KCNJ3: variants seen among roughly 807,000 people sequenced by gnomAD.
KCNJ3 encodes the protein G protein-activated inward rectifier potassium channel 1.
Under a neutral mutation model 39.2 loss-of-function variants are expected in KCNJ3, and 4 were observed. That is an observed-to-expected ratio of 0.10 (90% CI 0.05 to 0.23). The LOEUF (loss-of-function observed/expected upper bound fraction) is 0.23, where lower values mean the gene tolerates loss of function less well. Among genes scored for constraint, KCNJ3 ranks in the 10% least tolerant of loss-of-function variants. KCNJ3 has a pLI of 1.00. For missense variants in KCNJ3, 276 were observed against 634.9 expected (o/e 0.43, Z 6.08); for synonymous variants, 230 against 237.4 (o/e 0.97, Z 0.29).
intron 2 of KCNJ3, among the ~76,000 whole-genome samples, chr2:154,756,594 C>T (rs1305930647): frequency 1.3e-5 from 2 of 150,560 alleles, no homozygotes; most frequent in African/African-American, 2.4e-5. Flanking sequence ...TTGTTCAACT[C>T]CCACTTATTA....
At chr2:154,806,810 T>A (rs776702836) in intron 2 of KCNJ3, among the ~76,000 whole-genome samples, 4 of 152,144 alleles carry the variant, frequency 2.6e-5, no homozygotes, top group Non-Finnish European at 5.9e-5. Context: ...ATCCTATAAA[T>A]TTTAAAATAT....
chr2:154,767,742 G>C (rs1054105694), intron 2 of KCNJ3, among the ~76,000 whole-genome samples: 8 of 152,166 alleles, frequency 5.3e-5, no homozygotes, highest in African/African-American at 9.7e-5. Flanking sequence ...TCTAGTTCTA[G>C]ATCCTTGAGG....
intron 2 of KCNJ3, among the ~76,000 whole-genome samples, chr2:154,819,671 C>A (rs1687137850): frequency 6.6e-6 from 1 of 151,872 alleles, no homozygotes. Flanking sequence ...GCTGGGACTA[C>A]AGGTGTGCAC....
At chr2:154,760,384 C>T (rs1053185208) in intron 2 of KCNJ3, among the ~76,000 whole-genome samples, 1 of 152,000 alleles carries the variant, frequency 6.6e-6, no homozygotes, top group Non-Finnish European at 1.5e-5. Flanking sequence ...AAGTTTTGGG[C>T]TTTAAATATT....
rs71422263 is a variant in KCNJ3 at position 154,821,635 on chromosome 2, A to ATTTTTTTTTTTT, written c.920-33079_920-33068dup. Among the ~76,000 whole-genome samples, 52 of 88,078 alleles carry ATTTTTTTTTTTT rather than the reference A, an allele frequency of 5.9e-4. 2 individuals are homozygous for ATTTTTTTTTTTT. The highest frequency in any genetic ancestry group is 8.1e-4 in the Non-Finnish European group (39 of 48,162). The allele number at this position is 88,078 out of a possible 152,430, so 57.8% of individuals were successfully genotyped here. On this transcript the variant is annotated intron_variant, in intron 2 of 2. Coordinates refer to ENST00000295101, the MANE Select transcript of KCNJ3 (RefSeq NM_002239.4). ...CAAAAAAAGAAAAAGAGAATATGTG[A>ATTTTTTTTTTTT]TTTTTTTTTTTTTTTTTTTTTTTTG...
intron 2 of KCNJ3, among the ~76,000 whole-genome samples, chr2:154,725,744 T>C (rs927276924): frequency 1.3e-5 from 2 of 152,094 alleles, no homozygotes; most frequent in African/African-American, 4.8e-5. Flanking sequence ...CTGGTATTGG[T>C]ATAAAAATAG....
At chr2:154,842,989 ACTG>A (rs1687601926) in intron 2 of KCNJ3, among the ~76,000 whole-genome samples, 1 of 152,150 alleles carries the variant, frequency 6.6e-6, no homozygotes, top group Non-Finnish European at 1.5e-5. Flanking sequence ...TATAATGTTC[ACTG>A]CTTATTTTGC....
intron 2 of KCNJ3, among the ~76,000 whole-genome samples, chr2:154,726,954 G>A (rs1270782036): frequency 6.6e-6 from 1 of 151,974 alleles, no homozygotes; most frequent in African/African-American, 2.4e-5. Flanking sequence ...TACTTATTGG[G>A]AGCTAAGCTA....
At position 154,857,282 on chromosome 2, in the gene KCNJ3, A is replaced by G. The variant is rs1160267115; in HGVS notation, c.*1969A>G. 6.6e-6 allele frequency: 1 copy of G among 152,174 alleles called. No homozygotes were observed. The highest frequency in any genetic ancestry group is 1.9e-4 in the East Asian group (1 of 5,170). The allele number at this position is 152,174 out of a possible 1,614,324, so 9.4% of individuals were successfully genotyped here. Reference sequence around the variant, plus strand: ...TTTATCAGCAGTGGAAAAAAAGTGCATAGATCATTTAGTCCAAGAACTTAA... The same window carrying G: ...TTTATCAGCAGTGGAAAAAAAGTGCGTAGATCATTTAGTCCAAGAACTTAA... On this transcript the variant is annotated 3_prime_UTR_variant, in exon 3 of 3. Transcript: ENST00000295101.
At chr2:154,758,102 T>C (rs1685974336) in intron 2 of KCNJ3, among the ~76,000 whole-genome samples, 1 of 152,218 alleles carries the variant, frequency 6.6e-6, no homozygotes, top group Admixed American at 6.5e-5. Flanking sequence ...CATTTTAAAA[T>C]TTCTTAACAA....
intron 2 of KCNJ3, among the ~76,000 whole-genome samples, chr2:154,726,039 C>G (rs1455032917): frequency 6.6e-6 from 1 of 152,134 alleles, no homozygotes. Flanking sequence ...ACCTTCTAGA[C>G]ATTGCCTTAG....
At chr2:154,800,466 C>T (rs747616499) in intron 2 of KCNJ3, among the ~76,000 whole-genome samples, 1 of 152,176 alleles carries the variant, frequency 6.6e-6, no homozygotes, top group East Asian at 1.9e-4. Context: ...TCTCCCACAC[C>T]TATCACATTT....
At chr2:154,703,638 T>C (rs1684949630) in intron 1 of KCNJ3, among the ~76,000 whole-genome samples, 1 of 152,074 alleles carries the variant, frequency 6.6e-6, no homozygotes, top group Non-Finnish European at 1.5e-5. Flanking sequence ...AACATTTTGC[T>C]AATCTAACCA....
At chr2:154,729,820 A>C (rs1227847626) in intron 2 of KCNJ3, among the ~76,000 whole-genome samples, 2 of 152,170 alleles carry the variant, frequency 1.3e-5, no homozygotes, top group Admixed American at 1.3e-4. Flanking sequence ...AAATCAGAAT[A>C]ACTTTATATC....
At chr2:154,815,750 C>A (rs933725940) in intron 2 of KCNJ3, among the ~76,000 whole-genome samples, 5 of 152,208 alleles carry the variant, frequency 3.3e-5, no homozygotes, top group Admixed American at 3.3e-4. Flanking sequence ...ATATTCATTG[C>A]CTCACTGCAG....
intron 2 of KCNJ3, among the ~76,000 whole-genome samples, chr2:154,711,646 C>T (rs908456657): frequency 1.3e-5 from 2 of 151,844 alleles, no homozygotes; most frequent in African/African-American, 4.8e-5. Context: ...AAAATTAGGC[C>T]GGGTATTTTG....
Position 154,789,657 on chromosome 2 carries a change from C to A in KCNJ3, c.920-65070C>A, listed in dbSNP as rs1188574310. On this transcript the variant is annotated intron_variant, in intron 2 of 2. Transcript: ENST00000295101. ...TAAACAAATTCCCTTTATCTTCTGT[C>A]CTCACATTATATACACACATATGTA... Among the ~76,000 whole-genome samples, 4 of 152,184 alleles carry A rather than the reference C, an allele frequency of 2.6e-5. No individual in the cohort carries two copies. The East Asian group carries it at 7.7e-4, about 29-fold the overall frequency.
At chr2:154,725,692 C>G (rs2105163106) in intron 2 of KCNJ3, among the ~76,000 whole-genome samples, 1 of 152,132 alleles carries the variant, frequency 6.6e-6, no homozygotes, top group African/African-American at 2.4e-5. Context: ...TCACATTACC[C>G]AACTTCAAAC....
At chr2:154,749,654 G>T (rs558958773) in intron 2 of KCNJ3, among the ~76,000 whole-genome samples, 5 of 152,076 alleles carry the variant, frequency 3.3e-5, no homozygotes, top group Non-Finnish European at 7.4e-5. Context: ...CCTTGCCAAA[G>T]TAACATAAAT....
Sources: allele counts gnomAD v4.1 joint callset (sites outside exome capture counted in the v4.1 genomes callset), GRCh38; gene constraint gnomAD v4.1.1; transcripts MANE v1.5; gene names NCBI Gene and HGNC (gene_info 2026-07-23, HGNC 2026-07-21).